The following POLR1A variants were observed in gnomAD, a reference collection of about 807,000 sequenced individuals.
The protein encoded by POLR1A is DNA-directed RNA polymerase I subunit RPA1.
In POLR1A, 84 loss-of-function variants were observed where a neutral mutation model predicts 205.3. The ratio of observed to expected loss-of-function variants is 0.41; its 90% CI spans 0.34 to 0.49. POLR1A has a LOEUF of 0.49. POLR1A is among the 20% of genes least tolerant of loss of function. The probability of loss-of-function intolerance (pLI) is 0.22; values close to 1 mark genes in which losing one functional copy is unlikely to be tolerated. For missense variants in POLR1A, 1,645 were observed against 2,204.5 expected, an observed-to-expected ratio of 0.75 and a Z score of 5.08; for synonymous variants, 799 against 863.7, an observed-to-expected ratio of 0.93 and a Z score of 1.31.
intron 27 of POLR1A, among the ~76,000 whole-genome samples, chr2:86,036,097 C>T (rs997637881): frequency 6.6e-6 from 1 of 152,204 alleles, no homozygotes; most frequent in African/African-American, 2.4e-5. Context: ...AGCCTCCCGT[C>T]CCACGTAAAT....
intron 4 of POLR1A, among the ~76,000 whole-genome samples, 160 bp downstream of exon 4, chr2:86,089,662 G>A (rs1483142672): frequency 6.6e-6 from 1 of 152,234 alleles, no homozygotes; most frequent in Admixed American, 6.5e-5. Flanking sequence ...CTCAGGGACA[G>A]TTGTGTAATT....
intron 19 of POLR1A, among the ~76,000 whole-genome samples, chr2:86,046,103 C>A (rs1398851881): frequency 6.6e-6 from 1 of 152,040 alleles, no homozygotes; most frequent in African/African-American, 2.4e-5. Flanking sequence ...CAGGAAACAG[C>A]CATTTATTGC....
At chr2:86,098,805 C>T in intron 2 of POLR1A, 45 bp from the exon 3 acceptor site, 1 of 1,594,292 alleles carries the variant, frequency 6.3e-7, no homozygotes, top group Admixed American at 1.7e-5. Flanking sequence ...GAAAGAGACA[C>T]AGTAGCCATG....
intron 2 of POLR1A, among the ~76,000 whole-genome samples, 164 bp from the exon 3 acceptor site, chr2:86,098,924 T>C (rs1193949503): frequency 6.6e-6 from 1 of 152,208 alleles, no homozygotes; most frequent in Non-Finnish European, 1.5e-5. Context: ...AAGAACCAGA[T>C]AAATATTACC....
chr2:86,033,909 G>T, intron 27 of POLR1A, 122 bp from the exon 28 acceptor site: 1 of 1,167,510 alleles, frequency 8.6e-7, no homozygotes, highest in Non-Finnish European at 1.2e-6. Flanking sequence ...TGGAGGCCCA[G>T]CCTCTCCTAG....
chr2:86,043,320 T>C, intron 22 of POLR1A, 125 bp from the exon 23 acceptor site: 2 of 735,442 alleles, frequency 2.7e-6, no homozygotes, highest in South Asian at 1.7e-5. Context: ...GGAGCCCTCA[T>C]GATGGGGCCG....
At position 86,083,180 on chromosome 2, in the gene POLR1A, G is replaced by C; in HGVS notation, c.731-12C>G. ...AGCTTCCTCAATTCCTGGAGCCAAG[G>C]AGGAGAATCAAAGTGCAATAAATCA... On this transcript the variant is annotated splice_polypyrimidine_tract_variant and intron_variant, in intron 6 of 33. Coordinates refer to ENST00000263857, the MANE Select transcript of POLR1A (RefSeq NM_015425.6). 1.9e-6 allele frequency: 3 copies of C among 1,595,870 alleles called. No homozygotes were observed. Among genetic ancestry groups the C allele is most frequent in the Non-Finnish European group, 2.6e-6 (3 of 1,163,486 alleles).
intron 7 of POLR1A, among the ~76,000 whole-genome samples, chr2:86,082,082 T>C (rs1673414464): frequency 6.6e-6 from 1 of 152,140 alleles, no homozygotes; most frequent in Non-Finnish European, 1.5e-5. Context: ...TTGATCCACC[T>C]GCCTCAGCCT....
At chr2:86,069,946 T>C (rs1268315933) in intron 13 of POLR1A, 72 bp downstream of exon 13, 19 of 1,520,608 alleles carry the variant, frequency 1.2e-5, no homozygotes, top group Non-Finnish European at 1.5e-5. Context: ...CCCCAGGGGC[T>C]GGCAGGGCCC....
In POLR1A at chr2:86,022,590, G is replaced by A. The variant is rs1690168408; in HGVS notation, c.*4833C>T. 1 of 152,192 alleles carries A rather than the reference G, an allele frequency of 6.6e-6. No individual in the cohort carries two copies. Among genetic ancestry groups the A allele is most frequent in the Admixed American group, 6.5e-5 (1 of 15,276 alleles). 9.4% of individuals were successfully genotyped at this position (152,192 alleles called of 1,614,324 possible). On this transcript the variant is annotated 3_prime_UTR_variant, in exon 34 of 34. Coordinates refer to ENST00000263857, the MANE Select transcript of POLR1A (RefSeq NM_015425.6). ...AAATCAGAATCTGGGCAAGGCCTTG[G>A]GATCAATCTTTTTTTCAGACGGGGT...
intron 1 of POLR1A, among the ~76,000 whole-genome samples, chr2:86,105,209 T>A (rs1173069815): frequency 2.0e-5 from 3 of 152,190 alleles, no homozygotes; most frequent in African/African-American, 7.2e-5. Context: ...TTGGAGAATG[T>A]CAAATGCTAC....
chr2:86,103,994 G>A lies in POLR1A; in HGVS notation c.77+1706C>T, dbSNP rs115547678. Among the ~76,000 whole-genome samples, 479 of 152,288 alleles carry A rather than the reference G, an allele frequency of 3.1e-3. 6 individuals are homozygous for A. The highest frequency in any genetic ancestry group is 0.011 in the African/African-American group (467 of 41,560). On this transcript the variant is annotated intron_variant, in intron 1 of 33. Transcript: ENST00000263857. ...CTGGAATATGCAGGTGGTTTAATAG[G>A]GCTGAAGAAGGGATGATGTTATAGC...
chr2:86,072,558 AC>A (rs1558777499), intron 12 of POLR1A, among the ~76,000 whole-genome samples: 1 of 152,204 alleles, frequency 6.6e-6, no homozygotes, highest in Non-Finnish European at 1.5e-5. Context: ...GCCAACCCAA[AC>A]CCAAGGCCCT....
chr2:86,036,669 C>G (rs1672501446), intron 27 of POLR1A, among the ~76,000 whole-genome samples: 1 of 152,322 alleles, frequency 6.6e-6, no homozygotes, highest in South Asian at 2.1e-4. Flanking sequence ...CAAAGGGAGT[C>G]CAGACCGCAC....
intron 14 of POLR1A, among the ~76,000 whole-genome samples, chr2:86,061,565 C>G (rs1011740554): frequency 1.3e-5 from 2 of 152,192 alleles, no homozygotes; most frequent in African/African-American, 4.8e-5. Flanking sequence ...AAAAGATACA[C>G]ACGACAAGTG....
rs1558757543 is a variant in POLR1A, at chr2:86,022,747, CCTGG to C, written c.*4672_*4675del. The C allele has an allele frequency of 6.6e-6, 1 of 152,158 alleles. No individual in the cohort carries two copies. Among genetic ancestry groups the C allele is most frequent in the Non-Finnish European group, 1.5e-5 (1 of 68,056 alleles). The allele number at this position is 152,158 out of a possible 1,614,324, so 9.4% of individuals were successfully genotyped here. Reference sequence around the variant, plus strand: ...GGGACCACAGGCACATGTCACAACACCTGGCTAATTTTTGTAGATACGGGGTCTC... The same window carrying C: ...GGGACCACAGGCACATGTCACAACACCTAATTTTTGTAGATACGGGGTCTC... On this transcript the variant is annotated 3_prime_UTR_variant, in exon 34 of 34. Transcript: ENST00000263857.
chr2:86,030,630 G>A (rs182650182), intron 30 of POLR1A, among the ~76,000 whole-genome samples: 5 of 152,262 alleles, frequency 3.3e-5, no homozygotes, highest in East Asian at 1.9e-4. Context: ...CACAGCTGTC[G>A]GTGACAACAT....
At chr2:86,045,878 A>C (rs1293309361) in intron 19 of POLR1A, 109 bp from the exon 20 acceptor site, 2 of 956,546 alleles carry the variant, frequency 2.1e-6, no homozygotes, top group Admixed American at 6.0e-5. Flanking sequence ...CTGCATGGAA[A>C]CCGAGTTCTT....
chr2:86,061,041 T>C (rs1272907053), intron 14 of POLR1A, among the ~76,000 whole-genome samples: 1 of 152,170 alleles, frequency 6.6e-6, no homozygotes, highest in Admixed American at 6.5e-5. Flanking sequence ...AATAAGCATA[T>C]GAAGAGGTGC....
Sources: allele counts gnomAD v4.1 joint callset (sites outside exome capture counted in the v4.1 genomes callset), GRCh38; gene constraint gnomAD v4.1.1; transcripts MANE v1.5; gene names NCBI Gene and HGNC (gene_info 2026-07-23, HGNC 2026-07-21).